The following KCTD4 variants were observed in gnomAD, a reference collection of about 807,000 sequenced individuals.
KCTD4 encodes the protein potassium channel tetramerization domain containing 4.
Under a neutral mutation model 18.3 loss-of-function variants are expected in KCTD4, and 12 were observed. The observed-to-expected ratio is 0.66, with a 90% CI of 0.42 to 1.06. The LOEUF (loss-of-function observed/expected upper bound fraction) is 1.06. Ranked by LOEUF, KCTD4 falls within the 50% of genes least tolerant of loss-of-function variation. The pLI is 0.00. For missense variants in KCTD4, 250 were observed against 303.4 expected (o/e 0.82, Z 1.31); for synonymous variants, 124 against 110.5 (o/e 1.12, Z -0.76).
chr13:45,199,245 A>G (rs1020698983), intron 1 of KCTD4, among the ~76,000 whole-genome samples: 1 of 152,234 alleles, frequency 6.6e-6, no homozygotes, highest in Non-Finnish European at 1.5e-5. Context: ...AATTGCCTAC[A>G]TTGGTAAATG....
intron 1 of KCTD4, among the ~76,000 whole-genome samples, chr13:45,196,742 T>TA: frequency 6.6e-6 from 1 of 152,312 alleles, no homozygotes; most frequent in South Asian, 2.1e-4. Context: ...TCTGCTTCCT[T>TA]ACACCCTGTT....
intron 1 of KCTD4, among the ~76,000 whole-genome samples, chr13:45,199,734 T>C (rs1873082460): frequency 1.3e-5 from 2 of 152,232 alleles, no homozygotes; most frequent in South Asian, 4.1e-4. Context: ...AATCTCAAAA[T>C]GAAGGGCATA....
chr13:45,194,764 G>T lies in KCTD4; in HGVS notation c.-187-10C>A. 1.7e-6 allele frequency: 1 copy of T among 580,480 alleles called. No individual in the cohort carries two copies. Among genetic ancestry groups the T allele is most frequent in the Non-Finnish European group, 3.1e-6 (1 of 323,088 alleles). 36.0% of individuals were successfully genotyped at this position (580,480 alleles called of 1,614,324 possible). ...TGTATGCAGGAGCTTTCTGGAGTAAGACGGAAAAGAGAATTTGCATTTAAC... is the reference window on the plus strand; with the variant it reads ...TGTATGCAGGAGCTTTCTGGAGTAATACGGAAAAGAGAATTTGCATTTAAC... On this transcript the variant is annotated splice_polypyrimidine_tract_variant and intron_variant, in intron 1 of 1. Transcript: ENST00000379108.
Position 45,194,354 on chromosome 13 carries a change from C to T in KCTD4, c.214G>A (p.Asp72Asn). 6.2e-7 allele frequency: 1 copy of T among 1,614,172 alleles called. No individual in the cohort carries two copies. Among genetic ancestry groups the T allele is most frequent in the Non-Finnish European group, 8.5e-7 (1 of 1,180,000 alleles). Residue 72 changes from aspartate to asparagine, a missense_variant, in exon 2 of 2, where the codon GAT becomes AAT. Transcript: ENST00000379108. The part of the protein sequence containing the change: ...IVNGKILCPF[D>N]ADGHYFIDRD... Reference sequence around the variant, plus strand: ...TCTATGAAATAATGACCATCAGCATCAAACGGGCAGAGGATTTTTCCATTT... The same window carrying T: ...TCTATGAAATAATGACCATCAGCATTAAACGGGCAGAGGATTTTTCCATTT...
At chr13:45,195,327 A>AT (rs1375172505) in intron 1 of KCTD4, among the ~76,000 whole-genome samples, 2 of 152,036 alleles carry the variant, frequency 1.3e-5, no homozygotes, top group African/African-American at 2.4e-5. Flanking sequence ...TAATCACTTA[A>AT]TTTTTTTGCT....
intron 1 of KCTD4, among the ~76,000 whole-genome samples, chr13:45,199,605 C>T (rs1352533080): frequency 6.6e-6 from 1 of 152,088 alleles, no homozygotes; most frequent in Admixed American, 6.6e-5. Context: ...TGTAAGCCAT[C>T]AAATGAACAT....
intron 1 of KCTD4, among the ~76,000 whole-genome samples, chr13:45,196,034 A>G (rs1003092459): frequency 7.9e-5 from 12 of 152,360 alleles, no homozygotes; most frequent in Admixed American, 2.6e-4. Flanking sequence ...GTATGTTGAC[A>G]TAGGAATATT....
chr13:45,195,528 C>CTTGTTTGT (rs10564668), intron 1 of KCTD4, among the ~76,000 whole-genome samples: 1 of 151,858 alleles, frequency 6.6e-6, no homozygotes, highest in Non-Finnish European at 1.5e-5. Context: ...AAGTTAGTTT[C>CTTGTTTGT]TTGTTTGTTT....
chr13:45,199,408 A>G (rs919814192), intron 1 of KCTD4, among the ~76,000 whole-genome samples: 5 of 152,268 alleles, frequency 3.3e-5, no homozygotes, highest in South Asian at 2.1e-4. Context: ...ACAATTTATA[A>G]GTCATATTAA....
At chr13:45,199,519 GT>G (rs956095776) in intron 1 of KCTD4, among the ~76,000 whole-genome samples, 4 of 151,386 alleles carry the variant, frequency 2.6e-5, no homozygotes, top group African/African-American at 4.9e-5. Flanking sequence ...TAAAAATGAA[GT>G]TTTTTTTTGA....
At chr13:45,200,740 C>CA (rs1225500734) in intron 1 of KCTD4, among the ~76,000 whole-genome samples, 84 bp downstream of exon 1, 4 of 151,914 alleles carry the variant, frequency 2.6e-5, no homozygotes, top group Non-Finnish European at 5.9e-5. Flanking sequence ...GAACCACAGG[C>CA]AAAAAAACTT....
At position 45,194,181 on chromosome 13, in the gene KCTD4, C is replaced by T; in HGVS notation, c.387G>A (p.Arg129=). 6.2e-7 allele frequency: 1 copy of T among 1,614,118 alleles called. No homozygotes were observed. Among genetic ancestry groups the T allele is most frequent in the East Asian group, 2.2e-5 (1 of 44,866 alleles). ...TGGGTGTTAGCTGTTCTTTCTCCCA[C>T]CTGGATTTCACTTCCTCTGCCAGTC... ...LKGLAEEVKS[R]WEKEQLTPRE... Residue 129 remains arginine (R), a synonymous_variant, in exon 2 of 2, where the codon AGG becomes AGA. Transcript: ENST00000379108.
intron 1 of KCTD4, among the ~76,000 whole-genome samples, chr13:45,198,735 G>A (rs1873029568): frequency 6.6e-6 from 1 of 150,736 alleles, no homozygotes; most frequent in Admixed American, 6.6e-5. Flanking sequence ...TCTGTGTTTT[G>A]ACCTTCCTCT....
chr13:45,196,279 C>G (rs984197821), intron 1 of KCTD4, among the ~76,000 whole-genome samples: 1 of 152,114 alleles, frequency 6.6e-6, no homozygotes, highest in Non-Finnish European at 1.5e-5. Flanking sequence ...ACATTGCATT[C>G]CAGAGAATTT....
In KCTD4 at chr13:45,194,370, T is replaced by G; in HGVS notation, c.198A>C (p.Lys66Asn). 6.2e-7 allele frequency: 1 copy of G among 1,614,132 alleles called. No homozygotes were observed. Among genetic ancestry groups the G allele is most frequent in the Non-Finnish European group, 8.5e-7 (1 of 1,180,012 alleles). ...DTFLEGIVNG[K>N]ILCPFDADGH... Reference sequence around the variant, plus strand: ...CATCAGCATCAAACGGGCAGAGGATTTTTCCATTTACTATACCTTCAAGGA... The same window carrying G: ...CATCAGCATCAAACGGGCAGAGGATGTTTCCATTTACTATACCTTCAAGGA... The change falls in exon 2 of 2, where the codon AAA becomes AAC. Residue 66 changes from lysine to asparagine, a missense_variant. Transcript: ENST00000379108.
At chr13:45,195,697 G>A (rs1872856678) in intron 1 of KCTD4, among the ~76,000 whole-genome samples, 1 of 152,100 alleles carries the variant, frequency 6.6e-6, no homozygotes, top group African/African-American at 2.4e-5. Context: ...GGGTTCTGAG[G>A]TTTCACTTCT....
chr13:45,199,392 A>G lies in KCTD4; in HGVS notation c.-188+1432T>C, dbSNP rs1202657717. ...TTCTTTGATTTTCACTACAGAGGCAATCTTGACAATTTATAAGTCATATTA... is the reference window on the plus strand; with the variant it reads ...TTCTTTGATTTTCACTACAGAGGCAGTCTTGACAATTTATAAGTCATATTA... On this transcript the variant is annotated intron_variant, in intron 1 of 1. Transcript: ENST00000379108. Among the ~76,000 whole-genome samples the G allele has an allele frequency of 8.5e-5, 13 of 152,246 alleles. No homozygotes were observed. In the East Asian group the frequency reaches 2.5e-3, roughly 29 times the overall value.
intron 1 of KCTD4, 88 bp from the exon 2 acceptor site, chr13:45,194,842 G>C (rs1326356523): frequency 2.3e-6 from 1 of 425,702 alleles, no homozygotes. Flanking sequence ...ATCCTTTGAA[G>C]TAATAAGAGT....
Position 45,194,681 on chromosome 13 carries a change from G to A in KCTD4, c.-114C>T. 3 of 971,770 alleles carry A rather than the reference G, an allele frequency of 3.1e-6. No individual in the cohort carries two copies. Among genetic ancestry groups the A allele is most frequent in the Non-Finnish European group, 4.7e-6 (3 of 643,674 alleles). 60.2% of individuals were successfully genotyped at this position (971,770 alleles called of 1,614,324 possible). A position where few individuals can be genotyped will look rare whatever the true frequency, so the allele number is the denominator to read the frequency against. On this transcript the variant is annotated 5_prime_UTR_variant, in exon 2 of 2. Transcript: ENST00000379108. ...CCCAGCCTGGTGATGGAATGGAAACGCTGGCAGCATCGCCTGCGCTGTCAG... is the reference window on the plus strand; with the variant it reads ...CCCAGCCTGGTGATGGAATGGAAACACTGGCAGCATCGCCTGCGCTGTCAG...
Sources: allele counts gnomAD v4.1 joint callset (sites outside exome capture counted in the v4.1 genomes callset), GRCh38; gene constraint gnomAD v4.1.1; transcripts MANE v1.5; gene names NCBI Gene and HGNC (gene_info 2026-07-23, HGNC 2026-07-21).